PARVB: variants seen among roughly 807,000 people sequenced by gnomAD.
The protein encoded by PARVB is beta-parvin.
PARVB carries 46 observed loss-of-function variants against 47.0 expected under a neutral mutation model. The observed-to-expected ratio is 0.98, with a 90% CI of 0.77 to 1.25. PARVB has a LOEUF of 1.25. PARVB is among the 50% of genes most tolerant of loss of function. PARVB has a pLI of 0.00. For missense variants in PARVB, 473 were observed against 471.6 expected, an observed-to-expected ratio of 1.00 and a Z score of -0.03; for synonymous variants, 196 against 196.3, an observed-to-expected ratio of 1.00 and a Z score of 0.01.
intron 4 of PARVB, among the ~76,000 whole-genome samples, chr22:44,128,329 T>C (rs1405798613): frequency 6.6e-6 from 1 of 152,208 alleles, no homozygotes; most frequent in Non-Finnish European, 1.5e-5. Flanking sequence ...CATGTGGCCA[T>C]CACTCAGGGT....
chr22:44,017,699 A>AC (rs916060868), intron 2 of PARVB, among the ~76,000 whole-genome samples: 9 of 151,936 alleles, frequency 5.9e-5, no homozygotes, highest in South Asian at 2.1e-4. Context: ...CACTCACCAG[A>AC]CCCCCCACAG....
chr22:44,143,825 C>G lies in PARVB; in HGVS notation c.712+3682C>G, dbSNP rs560622845. On this transcript the variant is annotated intron_variant, in intron 8 of 12. Transcript: ENST00000338758. ...CGGGCGGCCCTTCCCCCTCCTGGGC[C>G]TGCCCTGGGCTGGAGGCTCTTTCTG... is the stretch of plus-strand genomic sequence containing the variant. 11 of 152,522 alleles carry G rather than the reference C, an allele frequency of 7.2e-5. No individual in the cohort carries two copies. In the East Asian group the frequency reaches 1.7e-3, roughly 24 times the overall value. 9.4% of individuals were successfully genotyped at this position (152,522 alleles called of 1,614,324 possible).
chr22:44,129,833 C>T (rs972988026), intron 4 of PARVB, among the ~76,000 whole-genome samples: 1 of 152,206 alleles, frequency 6.6e-6, no homozygotes, highest in African/African-American at 2.4e-5. Context: ...TTTATCTCCC[C>T]ACTAGGGACC....
chr22:44,114,240 C>G (rs1406096098), intron 3 of PARVB: 1 of 144,452 alleles, frequency 6.9e-6, no homozygotes, highest in Non-Finnish European at 1.5e-5. Flanking sequence ...TGCACCAACA[C>G]AGATACATTG....
intron 3 of PARVB, among the ~76,000 whole-genome samples, chr22:44,117,366 T>G (rs2052931756): frequency 1.6e-5 from 2 of 123,386 alleles, no homozygotes; most frequent in Admixed American, 8.7e-5. Flanking sequence ...AGCCAGTGAG[T>G]GTGGGGGTCT....
chr22:44,161,642 T>C (rs1267443062), intron 11 of PARVB, among the ~76,000 whole-genome samples: 2 of 152,148 alleles, frequency 1.3e-5, no homozygotes, highest in African/African-American at 4.8e-5. Flanking sequence ...ACCGATGTCC[T>C]AGCCCATCTC....
In PARVB at chr22:44,016,304, G is replaced by A. The variant is rs186950795; in HGVS notation, c.211+16631G>A. Among the ~76,000 whole-genome samples the A allele has an allele frequency of 4.8e-3, 725 of 151,964 alleles. 12 individuals carry two copies. Among genetic ancestry groups the A allele is most frequent in the Admixed American group, 0.041 (620 of 15,260 alleles). Reference sequence around the variant, plus strand: ...GTAGAGACGGGGTTTCACCGTGTTAGCCAGGATGGTCTCGATCTCCTGACT... The same window carrying A: ...GTAGAGACGGGGTTTCACCGTGTTAACCAGGATGGTCTCGATCTCCTGACT... On this transcript the variant is annotated intron_variant, in intron 2 of 13. Coordinates refer to the PARVB transcript ENST00000406477.
chr22:44,116,361 T>A (rs1236395509), intron 3 of PARVB: 2 of 152,292 alleles, frequency 1.3e-5, no homozygotes, highest in African/African-American at 4.8e-5. Context: ...TGTGCAGGCG[T>A]GCTCACCCGG....
chr22:44,029,923 A>G (rs66509676), intron 1 of PARVB, among the ~76,000 whole-genome samples: 5,093 of 45,116 alleles, frequency 0.11, 226 homozygotes, highest in African/African-American at 0.41. Flanking sequence ...AAAAAAAAAG[A>G]AAAGAAAAGA....
chr22:44,053,000 G>C (rs375757154), intron 1 of PARVB, among the ~76,000 whole-genome samples: 5 of 151,774 alleles, frequency 3.3e-5, no homozygotes, highest in African/African-American at 9.7e-5. Context: ...GGCCAGATTT[G>C]CTCACTGGCT....
chr22:44,019,653 A>G (rs966363567), upstream of PARVB, among the ~76,000 whole-genome samples: 11 of 152,216 alleles, frequency 7.2e-5, no homozygotes, highest in East Asian at 1.7e-3. Flanking sequence ...ATGGAGCCAC[A>G]TGCACAGAGA....
intron 1 of PARVB, among the ~76,000 whole-genome samples, chr22:44,072,067 C>T (rs955139459): frequency 6.6e-6 from 1 of 152,198 alleles, no homozygotes; most frequent in African/African-American, 2.4e-5. Flanking sequence ...GTGACTGCCC[C>T]ACGTCTGTCG....
chr22:44,050,857 G>T (rs1210637881), intron 1 of PARVB, among the ~76,000 whole-genome samples: 3 of 152,232 alleles, frequency 2.0e-5, no homozygotes, highest in African/African-American at 7.2e-5. Context: ...GAAAGTGCAG[G>T]TATGAAGTCA....
At position 44,063,756 on chromosome 22, in the gene PARVB, T is replaced by G. The variant is rs940417655; in HGVS notation, c.113-30172T>G. Among the ~76,000 whole-genome samples the G allele has an allele frequency of 3.3e-4, 50 of 152,150 alleles. 1 individual carries two copies. Among genetic ancestry groups the G allele is most frequent in the Admixed American group, 3.1e-3 (47 of 15,284 alleles). On this transcript the variant is annotated intron_variant, in intron 1 of 12. Transcript: ENST00000338758. ...CCACACTCACAGAGGGCATGGTCTG[T>G]GCCCCTTGGGATCAGGCAGCTGCTC...
chr22:44,109,577 A>C (rs1485355845), intron 3 of PARVB: 1 of 152,186 alleles, frequency 6.6e-6, no homozygotes, highest in African/African-American at 2.4e-5. Flanking sequence ...TCCAGGAATA[A>C]GTTGTACCTC....
chr22:44,031,545 C>T (rs2050827101), intron 1 of PARVB: 3 of 150,738 alleles, frequency 2.0e-5, no homozygotes, highest in African/African-American at 7.3e-5. Flanking sequence ...TGACTCTTCC[C>T]TGCCTTTCGG....
At chr22:44,079,461 C>T (rs557672639) in intron 1 of PARVB, among the ~76,000 whole-genome samples, 5 of 152,226 alleles carry the variant, frequency 3.3e-5, no homozygotes, top group African/African-American at 9.6e-5. Context: ...TGTCTGAAAA[C>T]GTCAAGCAGT....
rs2146876701 is a variant in PARVB, at chr22:44,024,345, C to T, written c.6C>T (p.Ser2=). Residue 2 remains serine (S), a synonymous_variant, in exon 1 of 13, where the codon TCC becomes TCT. Transcript: ENST00000338758. ...GCCGGCCCCACGCGCGGCCCATGTC[C>T]TCCGCGCCGCGCTCGCCCACCCCGC... is the stretch of plus-strand genomic sequence containing the variant. M[S]SAPRSPTPRP... 9.1e-7 allele frequency: 1 copy of T among 1,101,834 alleles called. No individual in the cohort carries two copies. The allele number at this position is 1,101,834 out of a possible 1,614,324, so 68.3% of individuals were successfully genotyped here.
At chr22:44,095,847 C>T (rs531098978) in intron 2 of PARVB, among the ~76,000 whole-genome samples, 41 of 152,336 alleles carry the variant, frequency 2.7e-4, no homozygotes, top group African/African-American at 7.7e-4. Flanking sequence ...CAAGTTCAGC[C>T]GCCAACCGAC....
Sources: gnomAD v4.1 joint callset for allele counts (sites outside exome capture counted in the v4.1 genomes callset) on GRCh38, gnomAD v4.1.1 for gene constraint, MANE v1.5 for transcripts, NCBI Gene and HGNC (gene_info 2026-07-23, HGNC 2026-07-21) for gene names.